The following CTNNA3 variants were observed in gnomAD, a reference collection of about 807,000 sequenced individuals.
CTNNA3 encodes the protein catenin alpha 3, also known as catenin alpha-3.
In CTNNA3, 76 loss-of-function variants were observed where a neutral mutation model predicts 95.7. The ratio of observed to expected loss-of-function variants is 0.79; its 90% CI spans 0.66 to 0.96. CTNNA3 has a LOEUF of 0.96. Among genes scored for constraint, CTNNA3 ranks in the 40% least tolerant of loss-of-function variants. The probability of loss-of-function intolerance (pLI) is 0.00; values close to 1 mark genes in which losing one functional copy is unlikely to be tolerated. For synonymous variants in CTNNA3, 431 were observed against 374.4 expected, an observed-to-expected ratio of 1.15 and a Z score of -1.74; for missense variants, 1,191 against 1,089.8, an observed-to-expected ratio of 1.09 and a Z score of -1.31.
intron 12 of CTNNA3, among the ~76,000 whole-genome samples, chr10:66,376,174 G>A (rs59640127): frequency 0.17 from 25,350 of 152,034 alleles, 2,882 homozygotes; most frequent in East Asian, 0.44. Flanking sequence ...TTTCCCCAAC[G>A]TAGTACAAAA....
chr10:66,559,841 C>T lies in CTNNA3; in HGVS notation c.1375-39068G>A, dbSNP rs532743529. The stretch of plus-strand genomic sequence containing the variant: ...CCCCTTTTAAGCTCTTATAATACTA[C>T]ATAGTAATTCATTTTTAGTGTTTCT... On this transcript the variant is annotated intron_variant, in intron 10 of 17. Coordinates refer to ENST00000433211, the MANE Select transcript of CTNNA3 (RefSeq NM_013266.4). Among the ~76,000 whole-genome samples the T allele has an allele frequency of 3.3e-4, 50 of 152,172 alleles. 1 individual carries two copies. The highest frequency in any genetic ancestry group is 1.2e-3 in the African/African-American group (48 of 41,538).
At chr10:67,677,129 A>C (rs1840550132) in intron 1 of CTNNA3, among the ~76,000 whole-genome samples, 1 of 152,172 alleles carries the variant, frequency 6.6e-6, no homozygotes, top group Admixed American at 6.5e-5. Flanking sequence ...AGCTGAAACA[A>C]GACTAGAAAG....
At chr10:66,030,841 C>A (rs1407478639) in intron 15 of CTNNA3, among the ~76,000 whole-genome samples, 2 of 151,948 alleles carry the variant, frequency 1.3e-5, no homozygotes, top group African/African-American at 4.8e-5. Flanking sequence ...GGAACTTGAA[C>A]AATTGAACAA....
intron 9 of CTNNA3, among the ~76,000 whole-genome samples, chr10:66,742,528 C>A: frequency 6.6e-6 from 1 of 152,120 alleles, no homozygotes; most frequent in Non-Finnish European, 1.5e-5. Context: ...ACTCCCTCCC[C>A]TTTTGAAAAT....
At chr10:66,028,612 G>GGAGGGCA (rs1589266588) in intron 15 of CTNNA3, among the ~76,000 whole-genome samples, 4 of 148,022 alleles carry the variant, frequency 2.7e-5, no homozygotes, top group African/African-American at 5.0e-5. Context: ...GGGGAAGGGG[G>GGAGGGCA]GAGGGATAGC....
chr10:66,886,571 G>T (rs932357896), intron 7 of CTNNA3, among the ~76,000 whole-genome samples: 3 of 152,018 alleles, frequency 2.0e-5, no homozygotes, highest in Non-Finnish European at 4.4e-5. Flanking sequence ...ATTTTCCATC[G>T]ACATGTTATG....
At chr10:66,531,015 G>C (rs1222070675) in intron 10 of CTNNA3, among the ~76,000 whole-genome samples, 2 of 151,904 alleles carry the variant, frequency 1.3e-5, no homozygotes, top group Admixed American at 6.6e-5. Flanking sequence ...GTAATAAGTG[G>C]GAAAAATAAT....
In CTNNA3 at chr10:66,543,154, T is replaced by C. The variant is rs145098247; in HGVS notation, c.1375-22381A>G. Among the ~76,000 whole-genome samples the C allele has an allele frequency of 6.6e-3, 1,006 of 152,222 alleles. 13 individuals carry two copies. Among genetic ancestry groups the C allele is most frequent in the African/African-American group, 0.023 (958 of 41,536 alleles). On this transcript the variant is annotated intron_variant, in intron 10 of 17. Transcript: ENST00000433211. ...CCCAGGCTAGAGTTCAATGGCGCAA[T>C]CTCGGCTCACTGCAATCAATCCCTG...
chr10:66,460,151 T>C (rs1414905932), intron 11 of CTNNA3, among the ~76,000 whole-genome samples: 1 of 152,210 alleles, frequency 6.6e-6, no homozygotes, highest in African/African-American at 2.4e-5. Flanking sequence ...TTTGTGTCAG[T>C]ACTATACTGT....
intron 7 of CTNNA3, among the ~76,000 whole-genome samples, chr10:67,155,878 C>G (rs1376568053): frequency 6.6e-6 from 1 of 152,050 alleles, no homozygotes; most frequent in African/African-American, 2.4e-5. Flanking sequence ...ATTAATTCTT[C>G]TTTAAGTATC....
chr10:67,452,037 T>A (rs1178931692), intron 5 of CTNNA3, among the ~76,000 whole-genome samples: 3 of 95,636 alleles, frequency 3.1e-5, no homozygotes, highest in Non-Finnish European at 4.0e-5. Flanking sequence ...GAGAAAGGGA[T>A]GGAGGGAGGG....
chr10:67,614,705 T>C (rs1285686326), intron 2 of CTNNA3, among the ~76,000 whole-genome samples: 2 of 152,176 alleles, frequency 1.3e-5, no homozygotes, highest in African/African-American at 2.4e-5. Flanking sequence ...GCCATGGACA[T>C]GCACCAGTTG....
intron 11 of CTNNA3, among the ~76,000 whole-genome samples, chr10:66,431,872 A>T (rs140266354): frequency 0.016 from 2,431 of 152,204 alleles, 58 homozygotes; most frequent in African/African-American, 0.056. Context: ...CGTTGTGCAC[A>T]TGTACCCTAG....
intron 13 of CTNNA3, among the ~76,000 whole-genome samples, chr10:66,111,729 A>G (rs1343586520): frequency 6.6e-6 from 1 of 152,168 alleles, no homozygotes; most frequent in Non-Finnish European, 1.5e-5. Flanking sequence ...GAAGAGAGGA[A>G]CGAGTGTAAA....
intron 10 of CTNNA3, among the ~76,000 whole-genome samples, chr10:66,561,399 C>T (rs1842548696): frequency 6.6e-6 from 1 of 152,088 alleles, no homozygotes; most frequent in African/African-American, 2.4e-5. Flanking sequence ...TAGTACCTTA[C>T]ATATATTGTC....
chr10:66,789,021 GCA>G (rs1441335959), intron 7 of CTNNA3, among the ~76,000 whole-genome samples: 14 of 152,214 alleles, frequency 9.2e-5, no homozygotes, highest in Admixed American at 3.9e-4. Flanking sequence ...TGTCTAATAA[GCA>G]CAGTTTTAAT....
intron 13 of CTNNA3, among the ~76,000 whole-genome samples, chr10:66,125,432 G>C (rs1589476006): frequency 6.6e-6 from 1 of 152,060 alleles, no homozygotes; most frequent in South Asian, 2.1e-4. Context: ...GCAAACTCTA[G>C]GGCAAGTACT....
intron 5 of CTNNA3, among the ~76,000 whole-genome samples, chr10:67,500,778 G>A (rs1010796953): frequency 9.9e-5 from 15 of 152,084 alleles, no homozygotes; most frequent in African/African-American, 3.6e-4. Context: ...CCATTTGCTT[G>A]GTAAATATTC....
At chr10:66,511,479 T>C (rs1840656748) in intron 11 of CTNNA3, among the ~76,000 whole-genome samples, 1 of 151,590 alleles carries the variant, frequency 6.6e-6, no homozygotes, top group African/African-American at 2.4e-5. Context: ...AATCTTTTTT[T>C]TTTTATATAG....
Sources: allele counts gnomAD v4.1 joint callset (sites outside exome capture counted in the v4.1 genomes callset), GRCh38; gene constraint gnomAD v4.1.1; transcripts MANE v1.5; gene names NCBI Gene and HGNC (gene_info 2026-07-23, HGNC 2026-07-21).